Variants in MACF1 observed in about 807,000 individuals in gnomAD.
MACF1 encodes microtubule actin crosslinking factor 1.
In MACF1, 193 loss-of-function variants were observed where a neutral mutation model predicts 854.8. The observed-to-expected ratio is 0.23, with a 90% CI of 0.20 to 0.25. The LOEUF is 0.25. MACF1 is among the 10% of genes least tolerant of loss of function. The probability of loss-of-function intolerance (pLI) is 1.00; values close to 1 mark genes in which losing one functional copy is unlikely to be tolerated. For synonymous variants in MACF1, 3,185 were observed against 3,226.7 expected (o/e 0.99, Z 0.44); for missense variants, 7,722 against 8,929.1 (o/e 0.86, Z 5.45).
intron 36 of MACF1, among the ~76,000 whole-genome samples, chr1:39,330,528 C>G (rs940782162): frequency 6.6e-6 from 1 of 152,104 alleles, no homozygotes; most frequent in African/African-American, 2.4e-5. Flanking sequence ...TGTTACGTGT[C>G]TTTAAGAACA....
chr1:39,301,807 G>T (rs1347792802), intron 22 of MACF1, among the ~76,000 whole-genome samples: 2 of 152,000 alleles, frequency 1.3e-5, no homozygotes, highest in African/African-American at 2.4e-5. Context: ...GGAAAAAGCC[G>T]AAACTCCTTA....
chr1:39,452,542 A>T (rs1414841508), intron 86 of MACF1, 142 bp from the exon 87 acceptor site: 1 of 1,214,026 alleles, frequency 8.2e-7, no homozygotes, highest in Non-Finnish European at 1.2e-6. Flanking sequence ...TCAAAGATCT[A>T]CAAATGAAAG....
At chr1:39,275,991 C>T (rs1645429561) in intron 6 of MACF1, among the ~76,000 whole-genome samples, 1 of 151,706 alleles carries the variant, frequency 6.6e-6, no homozygotes, top group South Asian at 2.1e-4. Context: ...GCAATCATAG[C>T]TCACTGCAAC....
At chr1:39,123,592 G>A (rs1231379595) in intron 2 of MACF1, among the ~76,000 whole-genome samples, 2 of 151,656 alleles carry the variant, frequency 1.3e-5, no homozygotes, top group Non-Finnish European at 2.9e-5. Context: ...AGCCTGGAGT[G>A]CAGTGGTGTG....
chr1:39,233,797 T>TTTTTA (rs1491548281), intron 2 of MACF1, among the ~76,000 whole-genome samples: 1 of 78,790 alleles, frequency 1.3e-5, no homozygotes, highest in African/African-American at 4.0e-5. Context: ...TTTTTTTTTT[T>TTTTTA]ATTTATTTTT....
At chr1:39,137,800 G>A (rs562874902) in intron 2 of MACF1, among the ~76,000 whole-genome samples, 4 of 152,180 alleles carry the variant, frequency 2.6e-5, no homozygotes, top group South Asian at 4.1e-4. Context: ...GAGGCCAGGC[G>A]TGGTGGGTCA....
chr1:39,437,941 C>G lies in MACF1; in HGVS notation c.18153C>G (p.Ala6051=). The part of the protein sequence containing the change: ...ELEKLQPSFE[A]LKRRGEELIG... The stretch of plus-strand genomic sequence containing the variant: ...AAAAACTGCAGCCATCCTTTGAGGC[C>G]TTGAAGCGCCGTGGAGAGGAGCTTA... Residue 6051 remains alanine (A), a synonymous_variant, in exon 71 of 101, where the codon GCC becomes GCG. Coordinates refer to ENST00000564288, the MANE Select transcript of MACF1 (RefSeq NM_001394062.1). 1 of 1,614,052 alleles carries G rather than the reference C, an allele frequency of 6.2e-7. No homozygotes were observed. The highest frequency in any genetic ancestry group is 1.1e-5 in the South Asian group (1 of 91,078).
chr1:39,445,976 A>G (rs757545302), intron 80 of MACF1, among the ~76,000 whole-genome samples: 15 of 152,158 alleles, frequency 9.9e-5, no homozygotes, highest in Admixed American at 5.2e-4. Flanking sequence ...AGAGAAAACA[A>G]TCCTTGGACA....
intron 58 of MACF1, chr1:39,413,876 C>T (rs372060998): frequency 1.2e-6 from 2 of 1,610,348 alleles, no homozygotes; most frequent in African/African-American, 1.3e-5. Context: ...TCAGTGCCCA[C>T]CCCTGCAGCT....
At chr1:39,101,982 C>T in intron 2 of MACF1, among the ~76,000 whole-genome samples, 1 of 151,352 alleles carries the variant, frequency 6.6e-6, no homozygotes, top group East Asian at 2.0e-4. Flanking sequence ...CGAGACCATC[C>T]TGGCTAACAC....
At chr1:39,266,388 C>G (rs80059183) in intron 6 of MACF1, among the ~76,000 whole-genome samples, 2 of 152,258 alleles carry the variant, frequency 1.3e-5, no homozygotes, top group East Asian at 3.9e-4. Flanking sequence ...GAGTTTCTCT[C>G]CCATGCTCTC....
intron 2 of MACF1, among the ~76,000 whole-genome samples, chr1:39,194,097 T>C (rs1644287727): frequency 6.6e-6 from 1 of 152,006 alleles, no homozygotes; most frequent in Non-Finnish European, 1.5e-5. Flanking sequence ...CCTCCCAAAG[T>C]GCTGGGATTA....
At chr1:39,463,238 GCAC>G (rs1644591123) in intron 93 of MACF1, among the ~76,000 whole-genome samples, 2 of 152,194 alleles carry the variant, frequency 1.3e-5, no homozygotes, top group Non-Finnish European at 2.9e-5. Context: ...TGTAATCCCA[GCAC>G]TTTGGGAGGC....
intron 35 of MACF1, among the ~76,000 whole-genome samples, chr1:39,326,775 G>A (rs1327481130): frequency 6.6e-6 from 1 of 151,470 alleles, no homozygotes; most frequent in East Asian, 1.9e-4. Context: ...TGGATAGCTA[G>A]ACAACAGGTA....
Position 39,331,898 on chromosome 1 carries a change from T to G in MACF1, c.5310T>G (p.Leu1770=). ...QVTVRLLEAQ[L]FAGGIVDPRT... ...CTGTCCGGTTGCTGGAAGCTCAGCT[T>G]TTTGCTGGTGGCATAGTAGATCCAA... is the stretch of plus-strand genomic sequence containing the variant. Residue 1770 remains leucine, a synonymous_variant, in exon 37 of 101, where the codon CTT becomes CTG. Transcript: ENST00000564288. 1 of 1,614,016 alleles carries G rather than the reference T, an allele frequency of 6.2e-7. No homozygotes were observed. Among genetic ancestry groups the G allele is most frequent in the African/African-American group, 1.3e-5 (1 of 74,970 alleles).
intron 2 of MACF1, among the ~76,000 whole-genome samples, chr1:39,166,071 A>AC (rs1553153464): frequency 4.9e-5 from 7 of 144,258 alleles, no homozygotes; most frequent in East Asian, 4.0e-4. Context: ...AGGGCACTAG[A>AC]TTTTTTTTTT....
At chr1:39,248,318 T>C (rs1320195555) in intron 2 of MACF1, among the ~76,000 whole-genome samples, 1 of 152,164 alleles carries the variant, frequency 6.6e-6, no homozygotes, top group African/African-American at 2.4e-5. Flanking sequence ...TTATTATTTT[T>C]TTCAGACAGG....
In MACF1 at chr1:39,331,215, G is replaced by A. The variant is rs1313480661; in HGVS notation, c.4627G>A (p.Val1543Ile). Residue 1543 changes from valine (V) to isoleucine (I), a missense_variant, in exon 37 of 101, where the codon GTT (valine) becomes ATT (isoleucine). This residue lies in a region of MACF1 where 1,531 missense variants were observed against 1,601.6 expected (regional missense o/e 0.96). Coordinates refer to ENST00000564288, the MANE Select transcript of MACF1 (RefSeq NM_001394062.1). ...HQTEQKECRA[V>I]AGVIDLGTVE... ...TTTTTTTTTTTAGGAATGCAGAGCA[G>A]TTGCTGGGGTGATTGACCTAGGCAC... is the stretch of plus-strand genomic sequence containing the variant. 2 of 1,347,220 alleles carry A rather than the reference G, an allele frequency of 1.5e-6. No homozygotes were observed. Among genetic ancestry groups the A allele is most frequent in the East Asian group, 5.1e-5 (2 of 39,154 alleles). 83.5% of individuals were successfully genotyped at this position (1,347,220 alleles called of 1,614,324 possible). A position where few individuals can be genotyped will look rare whatever the true frequency, so the allele number is the denominator to read the frequency against.
At chr1:39,200,789 T>G (rs1350716913), upstream of MACF1, among the ~76,000 whole-genome samples, 1 of 151,502 alleles carries the variant, frequency 6.6e-6, no homozygotes, top group Non-Finnish European at 1.5e-5. Context: ...AAGTTCCACT[T>G]GAGGGGTGGG....
Sources: gnomAD v4.1 joint callset for allele counts (sites outside exome capture counted in the v4.1 genomes callset) on GRCh38, gnomAD v4.1.1 for gene constraint, gnomAD v4.1.1 regional missense constraint, MANE v1.5 for transcripts, NCBI Gene and HGNC (gene_info 2026-07-23, HGNC 2026-07-21) for gene names.